Variants in NTNG1 observed in about 807,000 individuals in gnomAD.
NTNG1 encodes the protein netrin-G1.
NTNG1 carries 16 observed loss-of-function variants against 54.0 expected under a neutral mutation model. That is an observed-to-expected ratio of 0.30 (90% confidence interval 0.20 to 0.45). The LOEUF is 0.45. Among genes scored for constraint, NTNG1 ranks in the 20% least tolerant of loss-of-function variants. The pLI, the probability that NTNG1 is intolerant of heterozygous loss-of-function variation, is 1.00. For synonymous variants in NTNG1, 255 were observed against 263.1 expected, an observed-to-expected ratio of 0.97 and a Z score of 0.30; for missense variants, 530 against 678.7, an observed-to-expected ratio of 0.78 and a Z score of 2.43.
At chr1:107,203,150 G>A (rs1182265434) in intron 2 of NTNG1, among the ~76,000 whole-genome samples, 2 of 151,382 alleles carry the variant, frequency 1.3e-5, no homozygotes, top group Non-Finnish European at 3.0e-5. Context: ...TGTTTTTCAG[G>A]TAATTGAATG....
intron 5 of NTNG1, among the ~76,000 whole-genome samples, chr1:107,415,792 G>A (rs555192594): frequency 6.6e-6 from 1 of 152,184 alleles, no homozygotes; most frequent in Non-Finnish European, 1.5e-5. Flanking sequence ...GAAGCTTCAT[G>A]TTCTACAAAA....
intron 2 of NTNG1, among the ~76,000 whole-genome samples, chr1:107,274,847 A>G (rs1664363054): frequency 1.3e-5 from 2 of 152,230 alleles, no homozygotes; most frequent in South Asian, 4.1e-4. Flanking sequence ...TAGATTATCT[A>G]TAATGGTTGC....
intron 3 of NTNG1, among the ~76,000 whole-genome samples, chr1:107,349,713 G>A (rs1234132681): frequency 4.6e-5 from 7 of 152,128 alleles, no homozygotes; most frequent in African/African-American, 9.6e-5. Context: ...TTTAAGTGTC[G>A]TAGTGTATGC....
intron 2 of NTNG1, among the ~76,000 whole-genome samples, chr1:107,215,255 G>A (rs1224889013): frequency 6.6e-6 from 1 of 152,072 alleles, no homozygotes; most frequent in African/African-American, 2.4e-5. Flanking sequence ...GAATTTGTAT[G>A]GTTTCAGGTC....
intron 4 of NTNG1, among the ~76,000 whole-genome samples, chr1:107,402,208 T>A (rs1013822513): frequency 6.6e-6 from 1 of 152,164 alleles, no homozygotes; most frequent in Non-Finnish European, 1.5e-5. Flanking sequence ...CAGATAATAA[T>A]CAGGAGGTTG....
At chr1:107,444,715 A>C (rs1676203934) in intron 7 of NTNG1, among the ~76,000 whole-genome samples, 1 of 152,150 alleles carries the variant, frequency 6.6e-6, no homozygotes, top group Non-Finnish European at 1.5e-5. Flanking sequence ...CCGCAGAACC[A>C]CTGAAGCTTA....
At chr1:107,224,575 A>G (rs1660555015) in intron 2 of NTNG1, among the ~76,000 whole-genome samples, 1 of 152,118 alleles carries the variant, frequency 6.6e-6, no homozygotes, top group Non-Finnish European at 1.5e-5. Context: ...TCTGAGAAGA[A>G]GCTATTTGAG....
chr1:107,338,716 A>G (rs1354159141), intron 3 of NTNG1, among the ~76,000 whole-genome samples: 1 of 151,972 alleles, frequency 6.6e-6, no homozygotes, highest in Non-Finnish European at 1.5e-5. Context: ...GTTCACAACA[A>G]CTACAAACTC....
chr1:107,354,420 G>A (rs1279831801), intron 3 of NTNG1, among the ~76,000 whole-genome samples: 2 of 128,922 alleles, frequency 1.6e-5, no homozygotes, highest in South Asian at 2.5e-4. Context: ...AGTGAGCCAC[G>A]ATTGTGCCAC....
intron 7 of NTNG1, among the ~76,000 whole-genome samples, chr1:107,450,582 G>GA (rs558345375): frequency 4.0e-5 from 6 of 149,624 alleles, no homozygotes; most frequent in South Asian, 2.1e-4. Context: ...CTCCTTCCCG[G>GA]AAAAAAAAAG....
intron 3 of NTNG1, among the ~76,000 whole-genome samples, chr1:107,376,417 C>CG (rs1557945943): frequency 1.7e-4 from 25 of 148,048 alleles, no homozygotes; most frequent in African/African-American, 6.0e-4. Flanking sequence ...CAAAACAAAA[C>CG]AAAAAAAAAA....
At chr1:107,361,231 A>G (rs1670254171) in intron 3 of NTNG1, among the ~76,000 whole-genome samples, 1 of 141,686 alleles carries the variant, frequency 7.1e-6, no homozygotes, top group Middle Eastern at 3.6e-3. Flanking sequence ...TATATAAAAT[A>G]AACATATAAA....
rs146767493 is a variant in NTNG1, at chr1:107,402,953, T to G, written c.1061-4729T>G. Among the ~76,000 whole-genome samples the G allele has an allele frequency of 9.0e-3, 1,365 of 152,230 alleles. 18 individuals carry two copies. The highest frequency in any genetic ancestry group is 0.027 in the African/African-American group (1,106 of 41,560). On this transcript the variant is annotated intron_variant, in intron 4 of 7. Transcript: ENST00000370068. ...CTTATCCCTTCTGCTTCCTTCCTGA[T>G]GAAAAGCCGCTGAATCTTCCATTGA...
intron 3 of NTNG1, among the ~76,000 whole-genome samples, chr1:107,368,987 T>C (rs1250476950): frequency 1.3e-5 from 2 of 152,172 alleles, no homozygotes; most frequent in Non-Finnish European, 2.9e-5. Context: ...TCAACTTTGG[T>C]TTTACAGATT....
At chr1:107,457,340 G>A (rs916772572) in intron 7 of NTNG1, among the ~76,000 whole-genome samples, 3 of 152,218 alleles carry the variant, frequency 2.0e-5, no homozygotes, top group Non-Finnish European at 4.4e-5. Context: ...ATTTGGAAAA[G>A]TCTAGAGGCA....
At position 107,482,740 on chromosome 1, in the gene NTNG1, G is replaced by A. The variant is rs1175596655; in HGVS notation, c.*1900G>A. On this transcript the variant is annotated 3_prime_UTR_variant, in exon 8 of 8. Transcript: ENST00000370068. ...TGCCACTCCTTGCTGAAACAGGGAAGGGGGGAGGAATGTCTCCTGATAAAT... is the reference window on the plus strand; with the variant it reads ...TGCCACTCCTTGCTGAAACAGGGAAAGGGGGAGGAATGTCTCCTGATAAAT... 1 of 152,218 alleles carries A rather than the reference G, an allele frequency of 6.6e-6. No homozygotes were observed. Among genetic ancestry groups the A allele is most frequent in the South Asian group, 2.1e-4 (1 of 4,832 alleles). 9.4% of individuals were successfully genotyped at this position (152,218 alleles called of 1,614,324 possible).
chr1:107,278,415 T>C (rs757011698), intron 2 of NTNG1, among the ~76,000 whole-genome samples: 2 of 152,228 alleles, frequency 1.3e-5, no homozygotes, highest in Non-Finnish European at 2.9e-5. Context: ...GGGAAATAGA[T>C]GATTCTTTTA....
chr1:107,276,826 C>CTT (rs11329482), intron 2 of NTNG1, among the ~76,000 whole-genome samples: 1,686 of 145,508 alleles, frequency 0.012, 31 homozygotes, highest in African/African-American at 0.04. Context: ...AAATTTTCTT[C>CTT]TTTTTTTTTT....
In NTNG1 at chr1:107,397,277, C is replaced by T. The variant is rs542635809; in HGVS notation, c.1060+1951C>T. ...TCCAAAGGGGTTCAATTCAATATTC[C>T]AATCATCAGCATGGCAGAAATTAGA... On this transcript the variant is annotated intron_variant, in intron 4 of 7. Transcript: ENST00000370068. Among the ~76,000 whole-genome samples the T allele has an allele frequency of 5.9e-5, 9 of 152,250 alleles. No individual in the cohort carries two copies. The South Asian group carries it at 8.3e-4, about 14-fold the overall frequency.
Sources: gnomAD v4.1 joint callset for allele counts (sites outside exome capture counted in the v4.1 genomes callset) on GRCh38, gnomAD v4.1.1 for gene constraint, MANE v1.5 for transcripts, NCBI Gene and HGNC (gene_info 2026-07-23, HGNC 2026-07-21) for gene names.